The following SUCLG2 variants were observed in gnomAD, a reference collection of about 807,000 sequenced individuals.
SUCLG2 encodes succinate-CoA ligase GDP-forming subunit beta, also known as succinate--CoA ligase [GDP-forming] subunit beta, mitochondrial.
In SUCLG2, 42 loss-of-function variants were observed where a neutral mutation model predicts 47.9. The ratio of observed to expected loss-of-function variants is 0.88; its 90% CI spans 0.69 to 1.14. The LOEUF is 1.14. SUCLG2 is among the 50% of genes most tolerant of loss of function. SUCLG2 has a pLI of 0.00. For missense variants in SUCLG2, 571 were observed against 525.9 expected, an observed-to-expected ratio of 1.09 and a Z score of -0.84; for synonymous variants, 195 against 197.3, an observed-to-expected ratio of 0.99 and a Z score of 0.10.
intron 1 of SUCLG2, among the ~76,000 whole-genome samples, chr3:67,619,841 A>T (rs1388723353): frequency 1.3e-5 from 2 of 152,222 alleles, no homozygotes; most frequent in African/African-American, 4.8e-5. Context: ...ACATTAGCAT[A>T]TTAGCACAAC....
chr3:67,431,029 A>C (rs894374110), intron 9 of SUCLG2, among the ~76,000 whole-genome samples: 1 of 152,242 alleles, frequency 6.6e-6, no homozygotes, highest in Non-Finnish European at 1.5e-5. Flanking sequence ...AGGTACAAAA[A>C]GGAGCTGGTA....
intron 9 of SUCLG2, among the ~76,000 whole-genome samples, chr3:67,492,007 G>C (rs1207136729): frequency 6.6e-6 from 1 of 152,178 alleles, no homozygotes; most frequent in Admixed American, 6.5e-5. Flanking sequence ...TCTGGCATAA[G>C]AATCCCACTA....
chr3:67,639,393 G>A (rs1260388181), intron 1 of SUCLG2, among the ~76,000 whole-genome samples: 1 of 151,554 alleles, frequency 6.6e-6, no homozygotes, highest in Non-Finnish European at 1.5e-5. Flanking sequence ...GTTGTCCGAG[G>A]CACAAAGCTA....
At chr3:67,522,011 T>C (rs979737905) in intron 4 of SUCLG2, among the ~76,000 whole-genome samples, 8 of 151,192 alleles carry the variant, frequency 5.3e-5, no homozygotes, top group Non-Finnish European at 1.2e-4. Context: ...ACAATATTTA[T>C]TTAACCATGT....
Position 67,595,611 on chromosome 3 carries a change from G to A in SUCLG2, c.226+13844C>T, listed in dbSNP as rs1418948811. Among the ~76,000 whole-genome samples the A allele has an allele frequency of 2.0e-5, 3 of 152,218 alleles. No homozygotes were observed. The East Asian group carries it at 5.8e-4, about 29-fold the overall frequency. ...TGGTCCCTGGACTTTGGGCTTGGAAGCAAAGGCCACTGACTGTTTCTCTAT... is the reference window on the plus strand; with the variant it reads ...TGGTCCCTGGACTTTGGGCTTGGAAACAAAGGCCACTGACTGTTTCTCTAT... On this transcript the variant is annotated intron_variant, in intron 2 of 10. Transcript: ENST00000307227.
intron 2 of SUCLG2, among the ~76,000 whole-genome samples, chr3:67,530,321 C>T (rs1411840201): frequency 6.6e-6 from 1 of 152,074 alleles, no homozygotes; most frequent in African/African-American, 2.4e-5. Flanking sequence ...ATGCTTTATC[C>T]CAGAGCCTGA....
At chr3:67,587,035 C>G (rs1256513365) in intron 2 of SUCLG2, among the ~76,000 whole-genome samples, 1 of 152,142 alleles carries the variant, frequency 6.6e-6, no homozygotes, top group Admixed American at 6.6e-5. Flanking sequence ...CACCAAAAAG[C>G]CACATTCAGC....
At chr3:67,529,236 G>GT (rs1706337772) in intron 2 of SUCLG2, 50 bp from the exon 3 acceptor site, 2 of 1,486,970 alleles carry the variant, frequency 1.3e-6, no homozygotes, top group African/African-American at 2.8e-5. Flanking sequence ...TTCTTTTTTT[G>GT]TTTTTTAAGC....
At chr3:67,398,100 A>G (rs1702590041) in intron 10 of SUCLG2, among the ~76,000 whole-genome samples, 1 of 150,358 alleles carries the variant, frequency 6.7e-6, no homozygotes, top group African/African-American at 2.4e-5. Flanking sequence ...CATTCAGGAC[A>G]TAGGCATGGA....
chr3:67,621,043 A>G (rs1412794650), intron 1 of SUCLG2, among the ~76,000 whole-genome samples: 1 of 152,226 alleles, frequency 6.6e-6, no homozygotes, highest in African/African-American at 2.4e-5. Context: ...CTTTTTCTAT[A>G]AAGAGCCAGA....
At chr3:67,605,022 A>G (rs35823242) in intron 2 of SUCLG2, among the ~76,000 whole-genome samples, 1 of 152,192 alleles carries the variant, frequency 6.6e-6, no homozygotes, top group Non-Finnish European at 1.5e-5. Flanking sequence ...TAGAATCACA[A>G]CAGTAGTGAA....
intron 1 of SUCLG2, among the ~76,000 whole-genome samples, chr3:67,639,097 C>T (rs867969145): frequency 2.0e-5 from 3 of 152,142 alleles, no homozygotes; most frequent in African/African-American, 7.2e-5. Context: ...CTTCAGTTAA[C>T]GGATAATAGT....
intron 1 of SUCLG2, among the ~76,000 whole-genome samples, chr3:67,618,334 G>T (rs993289431): frequency 1.3e-5 from 2 of 152,126 alleles, no homozygotes; most frequent in Admixed American, 6.5e-5. Context: ...CAGGAAAATT[G>T]CTTGAACCCC....
chr3:67,580,310 G>A (rs1397384129), intron 2 of SUCLG2, among the ~76,000 whole-genome samples: 1 of 151,970 alleles, frequency 6.6e-6, no homozygotes, highest in African/African-American at 2.4e-5. Flanking sequence ...CTGTGTGTAT[G>A]CACTTACACA....
chr3:67,433,962 A>G (rs1170795916), intron 9 of SUCLG2, among the ~76,000 whole-genome samples: 1 of 152,090 alleles, frequency 6.6e-6, no homozygotes, highest in Non-Finnish European at 1.5e-5. Flanking sequence ...TTCAATACCT[A>G]CGAGAACTCT....
intron 9 of SUCLG2, among the ~76,000 whole-genome samples, chr3:67,488,728 T>A (rs1181814960): frequency 6.6e-6 from 1 of 152,208 alleles, no homozygotes; most frequent in Non-Finnish European, 1.5e-5. Flanking sequence ...ATGCTTCATT[T>A]TCTCTATGCA....
chr3:67,477,449 C>G (rs1704793078), intron 9 of SUCLG2, among the ~76,000 whole-genome samples: 1 of 152,186 alleles, frequency 6.6e-6, no homozygotes, highest in African/African-American at 2.4e-5. Context: ...AATCCCAGCA[C>G]TTTGGGAGGC....
intron 9 of SUCLG2, among the ~76,000 whole-genome samples, chr3:67,486,020 C>T (rs530748014): frequency 6.6e-6 from 1 of 152,294 alleles, no homozygotes; most frequent in African/African-American, 2.4e-5. Context: ...TGTCTGTAAT[C>T]CCAGCACTTT....
intron 2 of SUCLG2, among the ~76,000 whole-genome samples, chr3:67,550,028 G>A (rs541411279): frequency 1.1e-4 from 16 of 152,290 alleles, no homozygotes; most frequent in Non-Finnish European, 1.8e-4. Context: ...TTCATTTCAT[G>A]GGAGGAGTGA....
Sources: allele counts gnomAD v4.1 joint callset (sites outside exome capture counted in the v4.1 genomes callset), GRCh38; gene constraint gnomAD v4.1.1; transcripts MANE v1.5; gene names NCBI Gene and HGNC (gene_info 2026-07-23, HGNC 2026-07-21).